Variants in FMN1 observed in about 807,000 individuals in gnomAD.
The protein encoded by FMN1 is formin 1, also known as formin-1.
Under a neutral mutation model 132.4 loss-of-function variants are expected in FMN1, and 110 were observed. That is an observed-to-expected ratio of 0.83 (90% confidence interval 0.71 to 0.97). The LOEUF is 0.97. Among genes scored for constraint, FMN1 ranks in the 50% least tolerant of loss-of-function variants. FMN1 has a pLI of 0.00. For missense variants in FMN1, 1,792 were observed against 1,705.3 expected, an observed-to-expected ratio of 1.05 and a Z score of -0.90; for synonymous variants, 722 against 651.7, an observed-to-expected ratio of 1.11 and a Z score of -1.64.
intron 16 of FMN1, among the ~76,000 whole-genome samples, chr15:32,881,980 A>C (rs2059782515): frequency 1.3e-5 from 2 of 152,200 alleles, no homozygotes; most frequent in South Asian, 4.1e-4. Context: ...TGGGTCACGA[A>C]GGAATAAAAC....
intron 7 of FMN1, among the ~76,000 whole-genome samples, chr15:33,004,090 C>A (rs1214273407): frequency 2.6e-5 from 4 of 151,998 alleles, no homozygotes; most frequent in Non-Finnish European, 5.9e-5. Context: ...CCATAAAAAC[C>A]CTAGAAGAAA....
chr15:32,909,275 C>T (rs1008111993), intron 11 of FMN1, among the ~76,000 whole-genome samples: 2 of 152,190 alleles, frequency 1.3e-5, no homozygotes, highest in African/African-American at 4.8e-5. Context: ...GAGGCTTGTA[C>T]TAAGCAACTG....
chr15:32,841,238 T>C (rs143724075), intron 17 of FMN1, among the ~76,000 whole-genome samples: 71 of 152,320 alleles, frequency 4.7e-4, no homozygotes, highest in African/African-American at 1.5e-3. Context: ...TTGAGAAATA[T>C]AGAGAGACAA....
chr15:32,795,137 C>A (rs117122974), intron 19 of FMN1, among the ~76,000 whole-genome samples: 1,604 of 152,300 alleles, frequency 0.011, 12 homozygotes, highest in Non-Finnish European at 0.018. Flanking sequence ...GAGGTCAAGG[C>A]TGCAGTAAGC....
At chr15:32,934,748 AGGC>A (rs2061218130) in intron 9 of FMN1, among the ~76,000 whole-genome samples, 1 of 151,372 alleles carries the variant, frequency 6.6e-6, no homozygotes, top group African/African-American at 2.4e-5. Context: ...CTGAGATTAT[AGGC>A]GTCCCCTGCC....
intron 6 of FMN1, chr15:33,063,592 G>A (rs556272109): frequency 6.6e-6 from 1 of 152,260 alleles, no homozygotes; most frequent in Admixed American, 6.5e-5. Context: ...TTCCTGATTA[G>A]TACGACCCTC....
chr15:32,955,750 T>C (rs2061750947), intron 9 of FMN1, among the ~76,000 whole-genome samples: 1 of 152,192 alleles, frequency 6.6e-6, no homozygotes, highest in African/African-American at 2.4e-5. Flanking sequence ...TATATTCAAA[T>C]AAACTTTTGC....
intron 16 of FMN1, among the ~76,000 whole-genome samples, chr15:32,858,915 A>G (rs1014849301): frequency 6.6e-6 from 1 of 152,114 alleles, no homozygotes; most frequent in South Asian, 2.1e-4. Context: ...TATCCTTCCC[A>G]CTACCATTCT....
At chr15:32,774,383 AT>A (rs777238407) in intron 20 of FMN1, 29 bp from the exon 21 acceptor site, 2 of 1,540,748 alleles carry the variant, frequency 1.3e-6, no homozygotes, top group South Asian at 2.4e-5. Context: ...TGAATGTATC[AT>A]TTTCTTTCAT....
intron 17 of FMN1, among the ~76,000 whole-genome samples, chr15:32,835,934 C>T (rs773116485): frequency 6.6e-6 from 1 of 152,084 alleles, no homozygotes; most frequent in Non-Finnish European, 1.5e-5. Flanking sequence ...GATCATGGCT[C>T]GCTGCAGCCT....
At chr15:32,981,410 C>T (rs531304990) in intron 7 of FMN1, among the ~76,000 whole-genome samples, 56 of 151,456 alleles carry the variant, frequency 3.7e-4, no homozygotes, top group African/African-American at 1.3e-3. Flanking sequence ...CCCAGCTACT[C>T]GGGAGGCTGA....
At chr15:33,117,503 T>C (rs2039973888) in intron 4 of FMN1, among the ~76,000 whole-genome samples, 1 of 152,226 alleles carries the variant, frequency 6.6e-6, no homozygotes, top group Non-Finnish European at 1.5e-5. Flanking sequence ...ACACAAGTAA[T>C]TTAACCTTAA....
intron 7 of FMN1, among the ~76,000 whole-genome samples, chr15:32,997,252 C>G (rs145026148): frequency 1.4e-4 from 21 of 151,978 alleles, no homozygotes; most frequent in Middle Eastern, 3.4e-3. Flanking sequence ...CACCTTATTT[C>G]TGAAACCAGT....
chr15:32,924,366 T>C (rs1452795410), intron 10 of FMN1, among the ~76,000 whole-genome samples: 1 of 152,228 alleles, frequency 6.6e-6, no homozygotes, highest in African/African-American at 2.4e-5. Context: ...TTTTGTAATG[T>C]AGCGAAATTT....
At chr15:32,798,216 A>ACACACACACACACACCC (rs1286307994) in intron 19 of FMN1, among the ~76,000 whole-genome samples, 1 of 140,876 alleles carries the variant, frequency 7.1e-6, no homozygotes, top group African/African-American at 2.6e-5. Context: ...ACACACACAC[A>ACACACACACACACACCC]CCCCGTCTAT....
intron 9 of FMN1, among the ~76,000 whole-genome samples, chr15:32,930,411 G>GT (rs60873457): frequency 0.021 from 2,971 of 144,172 alleles, 63 homozygotes; most frequent in African/African-American, 0.059. Context: ...GTATTTTTCA[G>GT]TTTTTTTTTT....
chr15:32,931,824 T>C (rs1423183427), intron 9 of FMN1, among the ~76,000 whole-genome samples: 1 of 152,236 alleles, frequency 6.6e-6, no homozygotes, highest in Non-Finnish European at 1.5e-5. Context: ...TAATATTAGC[T>C]TTGAACTTTT....
intron 9 of FMN1, 67 bp from the exon 10 acceptor site, chr15:32,926,328 C>G: frequency 1.2e-6 from 1 of 864,346 alleles, no homozygotes; most frequent in East Asian, 2.7e-5. Context: ...AGGACGCACA[C>G]CAAAAACATT....
intron 9 of FMN1, among the ~76,000 whole-genome samples, chr15:32,942,631 C>G (rs1473656999): frequency 6.6e-6 from 1 of 152,196 alleles, no homozygotes; most frequent in Non-Finnish European, 1.5e-5. Context: ...ACATCTACAC[C>G]TTTGCTAGAC....
Sources: allele counts gnomAD v4.1 joint callset (sites outside exome capture counted in the v4.1 genomes callset), GRCh38; gene constraint gnomAD v4.1.1; transcripts MANE v1.5; gene names NCBI Gene and HGNC (gene_info 2026-07-23, HGNC 2026-07-21).